NLGN4X: variants seen among roughly 807,000 people sequenced by gnomAD.
The protein encoded by NLGN4X is neuroligin 4 X-linked.
NLGN4X carries 3 observed loss-of-function variants against 40.3 expected under a neutral mutation model. That is an observed-to-expected ratio of 0.07 (90% CI 0.03 to 0.19). NLGN4X has a LOEUF of 0.19. Ranked by LOEUF, NLGN4X falls within the 10% of genes least tolerant of loss-of-function variation. NLGN4X has a pLI of 1.00. For synonymous variants in NLGN4X, 270 were observed against 306.8 expected (o/e 0.88, Z 1.25); for missense variants, 382 against 708.3 (o/e 0.54, Z 5.23).
At chrX:5,988,227 A>C (rs1239154089) in intron 3 of NLGN4X, among the ~76,000 whole-genome samples, 1 of 112,019 alleles carries the variant, frequency 8.9e-6, no homozygotes, top group Non-Finnish European at 1.9e-5. Flanking sequence ...ATAGGAACTG[A>C]GCCATTGATC....
At chrX:5,960,988 T>G (rs753499170) in intron 3 of NLGN4X, among the ~76,000 whole-genome samples, 1 of 111,692 alleles carries the variant, frequency 9.0e-6, no homozygotes, top group East Asian at 2.8e-4. Context: ...GAGAATTTAT[T>G]TATTCATTTA....
chrX:6,021,821 G>A (rs73627045), intron 3 of NLGN4X, among the ~76,000 whole-genome samples: 7,503 of 108,341 alleles, frequency 0.069, 639 homozygotes, highest in African/African-American at 0.23. Flanking sequence ...CCTATCTTCT[G>A]CAATGTGTTC....
chrX:6,121,623 G>A (rs72609515), intron 2 of NLGN4X, among the ~76,000 whole-genome samples: 11,682 of 111,841 alleles, frequency 0.1, 541 homozygotes, highest in African/African-American at 0.18. Flanking sequence ...TTATTCTTAC[G>A]GGAAGAGTGA....
At chrX:6,098,591 A>C (rs1413682980) in intron 2 of NLGN4X, among the ~76,000 whole-genome samples, 1 of 111,524 alleles carries the variant, frequency 9.0e-6, no homozygotes, top group Non-Finnish European at 1.9e-5. Context: ...GGATTGTATA[A>C]TATAAACGGC....
At chrX:6,097,738 T>C (rs921049895) in intron 2 of NLGN4X, among the ~76,000 whole-genome samples, 3 of 111,763 alleles carry the variant, frequency 2.7e-5, no homozygotes, top group Non-Finnish European at 3.8e-5. Context: ...CACTCATTAG[T>C]TCAGGGACAC....
At chrX:6,012,618 G>C (rs980969036) in intron 3 of NLGN4X, among the ~76,000 whole-genome samples, 1 of 111,741 alleles carries the variant, frequency 8.9e-6, no homozygotes, top group East Asian at 2.8e-4. Flanking sequence ...TTTGAAAATA[G>C]GGTCTTTGCA....
At chrX:6,227,634 G>A (rs1043408343) in intron 1 of NLGN4X, 1 of 110,657 alleles carries the variant, frequency 9.0e-6, no homozygotes, top group Non-Finnish European at 1.9e-5. Context: ...CCACACACAC[G>A]GGAAAGGGGT....
At chrX:6,088,294 G>A (rs1381437026) in intron 2 of NLGN4X, among the ~76,000 whole-genome samples, 4 of 112,209 alleles carry the variant, frequency 3.6e-5, no homozygotes, top group African/African-American at 6.5e-5. Context: ...TTAAGCCCCT[G>A]CAGAAGCCAT....
At chrX:6,117,350 GA>G (rs1234765501) in intron 2 of NLGN4X, among the ~76,000 whole-genome samples, 1 of 110,537 alleles carries the variant, frequency 9.0e-6, no homozygotes, top group East Asian at 2.9e-4. Flanking sequence ...GACATGGCTG[GA>G]AAAAAACCCT....
chrX:6,099,128 G>C (rs2038849816), intron 2 of NLGN4X, among the ~76,000 whole-genome samples: 1 of 112,060 alleles, frequency 8.9e-6, no homozygotes, highest in South Asian at 3.7e-4. Flanking sequence ...TGCTACATCA[G>C]AGTATAAGCC....
At chrX:6,024,371 G>C (rs75595409) in intron 3 of NLGN4X, among the ~76,000 whole-genome samples, 2 of 111,185 alleles carry the variant, frequency 1.8e-5, no homozygotes, top group African/African-American at 6.6e-5. Flanking sequence ...AGAGGCATTG[G>C]TGAACTTGAG....
At chrX:6,087,138 T>A (rs2038516726) in intron 2 of NLGN4X, among the ~76,000 whole-genome samples, 1 of 112,138 alleles carries the variant, frequency 8.9e-6, no homozygotes, top group Admixed American at 9.5e-5. Context: ...TTTTTTAAAA[T>A]CTTAAATATA....
chrX:5,961,483 A>T (rs1300124899), intron 3 of NLGN4X, among the ~76,000 whole-genome samples: 1 of 112,242 alleles, frequency 8.9e-6, no homozygotes, highest in Non-Finnish European at 1.9e-5. Flanking sequence ...AAATTCGCAT[A>T]TACACAGAAA....
chrX:6,177,990 T>C (rs1399490005), intron 1 of NLGN4X, among the ~76,000 whole-genome samples: 2 of 111,347 alleles, frequency 1.8e-5, no homozygotes, highest in African/African-American at 6.6e-5. Context: ...CAAACCAGGA[T>C]GTGGGTGCTC....
At chrX:5,924,131 T>C (rs1041999491) in intron 3 of NLGN4X, among the ~76,000 whole-genome samples, 2 of 111,581 alleles carry the variant, frequency 1.8e-5, no homozygotes, top group Non-Finnish European at 3.8e-5. Flanking sequence ...GATTGACTTG[T>C]ACATTTACTA....
At chrX:5,994,617 C>A (rs1444613133) in intron 3 of NLGN4X, among the ~76,000 whole-genome samples, 2 of 111,936 alleles carry the variant, frequency 1.8e-5, no homozygotes, top group Non-Finnish European at 3.8e-5. Context: ...ATGTATCTTT[C>A]ATTTCTTCTC....
intron 2 of NLGN4X, among the ~76,000 whole-genome samples, chrX:6,112,954 C>G (rs1361726698): frequency 4.5e-5 from 5 of 110,861 alleles, no homozygotes; most frequent in Non-Finnish European, 9.4e-5. Flanking sequence ...CACTTCACCT[C>G]TGGTCTTCCT....
At chrX:5,988,371 T>C (rs2035587134) in intron 3 of NLGN4X, among the ~76,000 whole-genome samples, 1 of 112,326 alleles carries the variant, frequency 8.9e-6, no homozygotes, top group Non-Finnish European at 1.9e-5. Context: ...ATTGCTACTG[T>C]ACTGCAATTT....
chrX:5,942,116 C>T (rs1267885827), intron 3 of NLGN4X, among the ~76,000 whole-genome samples: 5 of 109,456 alleles, frequency 4.6e-5, no homozygotes, highest in African/African-American at 6.7e-5. Flanking sequence ...ATTAGTCATG[C>T]GAGGTGACAT....
Sources: gnomAD v4.1 joint callset for allele counts (sites outside exome capture counted in the v4.1 genomes callset) on GRCh38, gnomAD v4.1.1 for gene constraint, MANE v1.5 for transcripts, NCBI Gene and HGNC (gene_info 2026-07-23, HGNC 2026-07-21) for gene names.